JAK1: variants seen among roughly 807,000 people sequenced by gnomAD.
JAK1 encodes the protein Janus kinase 1, also known as tyrosine-protein kinase JAK1.
Under a neutral mutation model 136.6 loss-of-function variants are expected in JAK1, and 16 were observed. The observed-to-expected ratio is 0.12, with a 90% CI of 0.08 to 0.18. The LOEUF (loss-of-function observed/expected upper bound fraction) is 0.18. JAK1 is among the 10% of genes least tolerant of loss of function. The pLI is 1.00. For synonymous variants in JAK1, 492 were observed against 519.5 expected (o/e 0.95, Z 0.72); for missense variants, 859 against 1,450.1 (o/e 0.59, Z 6.62).
chr1:65,032,340 T>C (rs1647031121), intron 2 of JAK1, among the ~76,000 whole-genome samples: 1 of 152,206 alleles, frequency 6.6e-6, no homozygotes, highest in South Asian at 2.1e-4. Flanking sequence ...GAATGCACAG[T>C]GCTAATTTCT....
Position 65,037,587 on chromosome 1 carries a change from T to C in JAK1, c.-78+6893A>G, listed in dbSNP as rs534454751. Among the ~76,000 whole-genome samples the C allele has an allele frequency of 2.8e-3, 431 of 152,310 alleles. 4 individuals carry two copies. Among genetic ancestry groups the C allele is most frequent in the Non-Finnish European group, 4.0e-3 (274 of 68,036 alleles). The stretch of plus-strand genomic sequence containing the variant: ...ATTTCTTCAGACTGTACATTTCTAG[T>C]GATAATGAGCTCTCTGCTCTCTAAT... On this transcript the variant is annotated intron_variant, in intron 2 of 25. Coordinates refer to the JAK1 transcript ENST00000671954.
intron 2 of JAK1, among the ~76,000 whole-genome samples, chr1:65,019,453 A>ACCC (rs34198843): frequency 7.7e-5 from 10 of 130,402 alleles, no homozygotes; most frequent in African/African-American, 2.7e-4. Context: ...AACCCATATG[A>ACCC]CCCCCCCCCC....
At chr1:64,894,496 C>T (rs866421781) in intron 1 of JAK1, among the ~76,000 whole-genome samples, 16 of 152,170 alleles carry the variant, frequency 1.1e-4, no homozygotes, top group Non-Finnish European at 1.5e-4. Context: ...CAATGGCTCA[C>T]GCCTGTAATC....
chr1:65,062,043 C>G (rs751425030), intron 1 of JAK1, among the ~76,000 whole-genome samples: 1 of 150,378 alleles, frequency 6.6e-6, no homozygotes, highest in East Asian at 1.9e-4. Flanking sequence ...TCCATGTGGA[C>G]GAAAAAAAAA....
chr1:64,839,689 A>T lies in JAK1; in HGVS notation c.2756T>A (p.Ile919Lys). Residue 919 changes from isoleucine (I) to lysine (K), a missense_variant, in exon 20 of 25, where the codon ATA (isoleucine) becomes AAA (lysine). Around this residue, in one of 4 missense-constraint regions of JAK1, gnomAD observed 409 missense variants for 753.8 expected, o/e 0.54. Coordinates refer to ENST00000342505, the MANE Select transcript of JAK1 (RefSeq NM_002227.4). The stretch of plus-strand genomic sequence containing the variant: ...CTCGATTTCCTTTTTCAGATCAGCT[A>T]TGTGGTTACCTCCACTCTCAGGCTT... Reference protein sequence around the residue: ...SLKPESGGNHIADLKKEIEIL... With the variant: ...SLKPESGGNHKADLKKEIEIL... 1 of 1,614,182 alleles carries T rather than the reference A, an allele frequency of 6.2e-7. No homozygotes were observed. The highest frequency in any genetic ancestry group is 8.5e-7 in the Non-Finnish European group (1 of 1,180,006).
intron 1 of JAK1, among the ~76,000 whole-genome samples, chr1:64,917,421 C>A (rs1442972504): frequency 1.3e-5 from 2 of 152,112 alleles, no homozygotes. Flanking sequence ...AAAGATTAAA[C>A]AAAGAGGAAG....
chr1:64,842,314 C>G (rs1391546092), intron 17 of JAK1, among the ~76,000 whole-genome samples: 3 of 152,100 alleles, frequency 2.0e-5, no homozygotes, highest in Admixed American at 2.0e-4. Context: ...TAAAAATTTT[C>G]TTCAACTGTT....
intron 5 of JAK1, 63 bp from the exon 6 acceptor site, chr1:64,869,537 T>C: frequency 1.4e-6 from 2 of 1,424,624 alleles, no homozygotes; most frequent in Non-Finnish European, 2.0e-6. Flanking sequence ...AGAAGGCTAC[T>C]ACACAGGGAG....
intron 1 of JAK1, among the ~76,000 whole-genome samples, chr1:64,924,321 C>A (rs1267494765): frequency 6.6e-6 from 1 of 152,154 alleles, no homozygotes; most frequent in African/African-American, 2.4e-5. Flanking sequence ...GTTCTAGGTT[C>A]AGAAAATTAT....
intron 1 of JAK1, among the ~76,000 whole-genome samples, chr1:64,936,878 T>A (rs983252800): frequency 6.6e-6 from 1 of 152,088 alleles, no homozygotes; most frequent in South Asian, 2.1e-4. Context: ...TTGTACCATA[T>A]GAAACTGCCA....
At chr1:64,862,588 TCTGA>T (rs1656419023) in intron 8 of JAK1, among the ~76,000 whole-genome samples, 1 of 152,210 alleles carries the variant, frequency 6.6e-6, no homozygotes, top group South Asian at 2.1e-4. Flanking sequence ...CAGGGTGAGC[TCTGA>T]CTTAGATGAT....
Position 64,883,439 on chromosome 1 carries a change from A to G in JAK1, c.43T>C (p.Phe15Leu). 1 of 1,614,134 alleles carries G rather than the reference A, an allele frequency of 6.2e-7. No homozygotes were observed. Among genetic ancestry groups the G allele is most frequent in the Non-Finnish European group, 8.5e-7 (1 of 1,179,988 alleles). Residue 15 changes from phenylalanine to leucine, a missense_variant, in exon 3 of 25, where the codon TTC becomes CTC. By Grantham distance (22) the Phe-to-Leu change is conservative. Around this residue, in one of 4 missense-constraint regions of JAK1, gnomAD observed 353 missense variants for 494.0 expected, o/e 0.71. Transcript: ENST00000342505. ...TTGGAGCTCCTCATTTTAGCACAGA[A>G]AGCCATGGCATTGCAGTCCTCTTTT... ...NIKEDCNAMA[F>L]CAKMRSSKKT... is the part of the protein sequence containing the mutation.
intron 1 of JAK1, among the ~76,000 whole-genome samples, chr1:64,944,221 C>CAAAAAA (rs771660692): frequency 1.6e-5 from 1 of 63,386 alleles, no homozygotes; most frequent in Non-Finnish European, 3.3e-5. Context: ...GACTCTGTCT[C>CAAAAAA]AAAAAAAAAA....
At chr1:65,046,057 A>G (rs940631717) in intron 1 of JAK1, among the ~76,000 whole-genome samples, 3 of 152,228 alleles carry the variant, frequency 2.0e-5, no homozygotes, top group Admixed American at 2.0e-4. Flanking sequence ...ACACAGTCAG[A>G]ACTCAATAAG....
At chr1:64,930,767 G>T (rs1377214311) in intron 1 of JAK1, among the ~76,000 whole-genome samples, 1 of 152,176 alleles carries the variant, frequency 6.6e-6, no homozygotes, top group Non-Finnish European at 1.5e-5. Flanking sequence ...ATCAATGATA[G>T]ACTGGATATA....
At chr1:65,050,796 T>C (rs1647263300) in intron 1 of JAK1, among the ~76,000 whole-genome samples, 1 of 152,202 alleles carries the variant, frequency 6.6e-6, no homozygotes, top group African/African-American at 2.4e-5. Context: ...CTAATCAACA[T>C]AATATTAACT....
In JAK1 at chr1:64,857,639, C is replaced by T. The variant is rs1247372488; in HGVS notation, c.1458+17G>A. ...TCATGGCTGTATGGCCTGGTCCAAG[C>T]CAGTGTCCTGACTGACCTCAGACTT... is the stretch of plus-strand genomic sequence containing the variant. On this transcript the variant is annotated intron_variant, in intron 10 of 24. Coordinates refer to ENST00000342505, the MANE Select transcript of JAK1 (RefSeq NM_002227.4). The T allele has an allele frequency of 2.5e-6, 4 of 1,613,628 alleles. No homozygotes were observed. Among genetic ancestry groups the T allele is most frequent in the East Asian group, 2.2e-5 (1 of 44,870 alleles).
chr1:64,892,450 T>TTTG (rs1280705545), intron 1 of JAK1, among the ~76,000 whole-genome samples: 1 of 152,080 alleles, frequency 6.6e-6, no homozygotes, highest in Non-Finnish European at 1.5e-5. Context: ...TCAGTTAATT[T>TTTG]TTGTTGTTGT....
intron 11 of JAK1, among the ~76,000 whole-genome samples, chr1:64,853,917 G>A (rs1655758762): frequency 6.6e-6 from 1 of 152,174 alleles, no homozygotes; most frequent in Non-Finnish European, 1.5e-5. Flanking sequence ...ATTCAGCACT[G>A]AGTTTCAGGA....
Sources: gnomAD v4.1 joint callset for allele counts (sites outside exome capture counted in the v4.1 genomes callset) on GRCh38, gnomAD v4.1.1 for gene constraint, gnomAD v4.1.1 regional missense constraint, MANE v1.5 for transcripts, NCBI Gene and HGNC (gene_info 2026-07-23, HGNC 2026-07-21) for gene names.